The following PPFIA2 variants were observed in gnomAD, a reference collection of about 807,000 sequenced individuals.
The protein encoded by PPFIA2 is PPFI scaffold protein A2.
Under a neutral mutation model 175.5 loss-of-function variants are expected in PPFIA2, and 46 were observed. That is an observed-to-expected ratio of 0.26 (90% CI 0.21 to 0.34). The LOEUF is 0.34. Among genes scored for constraint, PPFIA2 ranks in the 10% least tolerant of loss-of-function variants. The pLI is 1.00. For missense variants in PPFIA2, 1,179 were observed against 1,506.1 expected (o/e 0.78, Z 3.60); for synonymous variants, 568 against 511.4 (o/e 1.11, Z -1.49).
intron 7 of PPFIA2, among the ~76,000 whole-genome samples, chr12:81,419,014 AT>A (rs2143572083): frequency 6.6e-6 from 1 of 152,104 alleles, no homozygotes; most frequent in South Asian, 2.1e-4. Flanking sequence ...TTCTCCTTCT[AT>A]AGAGGTGAAA....
chr12:81,460,760 C>T (rs2054386995), intron 4 of PPFIA2, among the ~76,000 whole-genome samples: 1 of 152,048 alleles, frequency 6.6e-6, no homozygotes, highest in South Asian at 2.1e-4. Context: ...TGCAAACTTA[C>T]AGTATGTTAG....
chr12:81,333,228 C>T (rs146226178), intron 21 of PPFIA2, among the ~76,000 whole-genome samples: 6 of 152,286 alleles, frequency 3.9e-5, no homozygotes, highest in African/African-American at 1.2e-4. Context: ...TTCTTTCTTA[C>T]ATCGAGATGA....
chr12:81,485,261 T>C (rs971166498), intron 4 of PPFIA2, among the ~76,000 whole-genome samples: 10 of 151,896 alleles, frequency 6.6e-5, no homozygotes, highest in Non-Finnish European at 1.5e-5. Context: ...CATTTTATTT[T>C]AGTTGTTCTC....
At chr12:81,473,165 T>TG in intron 4 of PPFIA2, among the ~76,000 whole-genome samples, 1 of 152,240 alleles carries the variant, frequency 6.6e-6, no homozygotes, top group Non-Finnish European at 1.5e-5. Context: ...CCCAGCACTC[T>TG]GGGGGGCTGA....
In PPFIA2 at chr12:81,531,810, C is replaced by A. The variant is rs2064609188; in HGVS notation, c.304-73944G>T. 2.0e-5 allele frequency among the ~76,000 whole-genome samples: 3 copies of A among 151,412 alleles called. No individual in the cohort carries two copies. In the Admixed American group the frequency reaches 2.0e-4, roughly 10 times the overall value. ...CCCTTGACTGGAGAAGGACTGGAGG[C>A]AAAGAGATGAACTCAAAGGCTTTAA... On this transcript the variant is annotated intron_variant, in intron 4 of 32. Coordinates refer to ENST00000549396, the MANE Select transcript of PPFIA2 (RefSeq NM_003625.5).
intron 22 of PPFIA2, among the ~76,000 whole-genome samples, chr12:81,306,762 G>A (rs994856693): frequency 2.0e-5 from 3 of 151,820 alleles, no homozygotes; most frequent in Non-Finnish European, 4.4e-5. Context: ...GGGTGGTCTC[G>A]AACTCCTGGC....
chr12:81,463,339 T>C (rs1370313067), intron 4 of PPFIA2, among the ~76,000 whole-genome samples: 1 of 152,142 alleles, frequency 6.6e-6, no homozygotes, highest in Admixed American at 6.6e-5. Context: ...TTAAAAGGAA[T>C]CTGTAGAAAG....
intron 4 of PPFIA2, among the ~76,000 whole-genome samples, chr12:81,654,620 A>G (rs2067504066): frequency 6.6e-6 from 1 of 152,096 alleles, no homozygotes; most frequent in Non-Finnish European, 1.5e-5. Context: ...TTAACTAATT[A>G]TAAAATAAAC....
At position 81,499,140 on chromosome 12, in the gene PPFIA2, C is replaced by T. The variant is rs116703435; in HGVS notation, c.304-41274G>A. On this transcript the variant is annotated intron_variant, in intron 4 of 32. Coordinates refer to ENST00000549396, the MANE Select transcript of PPFIA2 (RefSeq NM_003625.5). ...GCAGGCTTGCCGCCCCTGCAGTTAACTCATGGAGCATCCTTTGCCAGGACA... is the reference window on the plus strand; with the variant it reads ...GCAGGCTTGCCGCCCCTGCAGTTAATTCATGGAGCATCCTTTGCCAGGACA... 7.6e-3 allele frequency among the ~76,000 whole-genome samples: 1,151 copies of T among 152,312 alleles called. 14 individuals are homozygous for T. Among genetic ancestry groups the T allele is most frequent in the African/African-American group, 0.025 (1,058 of 41,570 alleles).
intron 14 of PPFIA2, among the ~76,000 whole-genome samples, chr12:81,363,979 A>C (rs937434698): frequency 6.6e-6 from 1 of 151,906 alleles, no homozygotes; most frequent in Non-Finnish European, 1.5e-5. Context: ...GCAATTTAGA[A>C]TTTAGTAGAA....
intron 11 of PPFIA2, among the ~76,000 whole-genome samples, chr12:81,371,622 G>C (rs2035120805): frequency 6.6e-6 from 1 of 151,290 alleles, no homozygotes; most frequent in Non-Finnish European, 1.5e-5. Flanking sequence ...GAAAAAAAAA[G>C]AATTTGGTCC....
intron 9 of PPFIA2, among the ~76,000 whole-genome samples, chr12:81,380,962 CTG>C (rs71098139): frequency 0.075 from 10,263 of 137,326 alleles, 392 homozygotes; most frequent in Non-Finnish European, 0.082. Context: ...TTTCACAGTG[CTG>C]TGTGTGTGTG....
chr12:81,328,398 C>T lies in PPFIA2; in HGVS notation c.2549-2528G>A, dbSNP rs148643651. ...GATGATGTATTGTAAGTGTAAAATA[C>T]ACACCAGGTTTTGAAAACGTGGTAG... On this transcript the variant is annotated intron_variant, in intron 21 of 32. Coordinates refer to ENST00000549396, the MANE Select transcript of PPFIA2 (RefSeq NM_003625.5). 7.7e-3 allele frequency among the ~76,000 whole-genome samples: 1,168 copies of T among 152,276 alleles called. 13 individuals carry two copies. Among genetic ancestry groups the T allele is most frequent in the African/African-American group, 0.026 (1,099 of 41,564 alleles).
At chr12:81,469,103 A>C (rs1209300459) in intron 4 of PPFIA2, among the ~76,000 whole-genome samples, 1 of 152,176 alleles carries the variant, frequency 6.6e-6, no homozygotes, top group African/African-American at 2.4e-5. Flanking sequence ...AAATAATGTA[A>C]CATGCTCTAA....
At chr12:81,634,289 C>T (rs1321343443) in intron 4 of PPFIA2, among the ~76,000 whole-genome samples, 3 of 152,020 alleles carry the variant, frequency 2.0e-5, no homozygotes, top group East Asian at 3.9e-4. Context: ...CATTCTTTCT[C>T]GAAATGTTCC....
intron 4 of PPFIA2, among the ~76,000 whole-genome samples, chr12:81,597,680 T>C (rs1294203053): frequency 6.6e-6 from 1 of 151,950 alleles, no homozygotes; most frequent in African/African-American, 2.4e-5. Flanking sequence ...ACAACACATC[T>C]CATAAACCTT....
chr12:81,743,004 C>A (rs976380284), intron 3 of PPFIA2, among the ~76,000 whole-genome samples: 11 of 152,258 alleles, frequency 7.2e-5, no homozygotes, highest in African/African-American at 2.4e-4. Flanking sequence ...TGAAGTTGAT[C>A]TAAATTCATG....
intron 16 of PPFIA2, 88 bp from the exon 17 acceptor site, chr12:81,353,427 TG>T: frequency 2.2e-6 from 2 of 927,820 alleles, no homozygotes; most frequent in Non-Finnish European, 3.4e-6. Context: ...ACAACAGGCA[TG>T]CTTTTACAAC....
At chr12:81,421,289 GTA>G (rs2046196075) in intron 7 of PPFIA2, among the ~76,000 whole-genome samples, 1 of 151,936 alleles carries the variant, frequency 6.6e-6, no homozygotes, top group East Asian at 1.9e-4. Flanking sequence ...CATTATAATT[GTA>G]TTGTATAAAT....
Sources: gnomAD v4.1 joint callset for allele counts (sites outside exome capture counted in the v4.1 genomes callset) on GRCh38, gnomAD v4.1.1 for gene constraint, MANE v1.5 for transcripts, NCBI Gene and HGNC (gene_info 2026-07-23, HGNC 2026-07-21) for gene names.